OR2W3: variants seen among roughly 807,000 people sequenced by gnomAD.
OR2W3 encodes the protein olfactory receptor family 2 subfamily W member 3.
For synonymous variants in OR2W3, 196 were observed against 168.2 expected, an observed-to-expected ratio of 1.17 and a Z score of -1.28; for missense variants, 448 against 397.0, an observed-to-expected ratio of 1.13 and a Z score of -1.09.
chr1:247,896,181 G>C lies in OR2W3; in HGVS notation c.595G>C (p.Val199Leu). The C allele has an allele frequency of 6.2e-7, 1 of 1,614,138 alleles. No homozygotes were observed. The highest frequency in any genetic ancestry group is 8.5e-7 in the Non-Finnish European group (1 of 1,179,982). Residue 199 changes from valine to leucine, a missense_variant, in exon 1 of 1, where the codon GTC (valine) becomes CTC (leucine). Coordinates refer to ENST00000360358, the MANE Select transcript of OR2W3 (RefSeq NM_001001957.2). ...CVSTVAIEGTVFVLAVGVVLS... is the reference protein window; with the variant it reads ...CVSTVAIEGTLFVLAVGVVLS... ...CAGCACTGTGGCCATCGAAGGCACC[G>C]TCTTTGTCCTGGCGGTGGGTGTTGT...
At position 247,895,901 on chromosome 1, in the gene OR2W3, G is replaced by A; in HGVS notation, c.315G>A (p.Leu105=). Residue 105 remains leucine (L), a synonymous_variant, in exon 1 of 1, where the codon CTG becomes CTA. Coordinates refer to ENST00000360358, the MANE Select transcript of OR2W3 (RefSeq NM_001001957.2). ...MGCAIQLFLF[L]GLGGVECLLL... is the part of the protein sequence containing the mutation. ...GTGCCATCCAGCTCTTCCTGTTCCTGGGTCTGGGTGGTGTGGAGTGCCTGC... is the reference window on the plus strand; with the variant it reads ...GTGCCATCCAGCTCTTCCTGTTCCTAGGTCTGGGTGGTGTGGAGTGCCTGC... 1 of 1,614,140 alleles carries A rather than the reference G, an allele frequency of 6.2e-7. No individual in the cohort carries two copies. The highest frequency in any genetic ancestry group is 8.5e-7 in the Non-Finnish European group (1 of 1,179,998).
chr1:247,896,137 T>G lies in OR2W3; in HGVS notation c.551T>G (p.Leu184Arg). Residue 184 changes from leucine to arginine, a missense_variant, in exon 1 of 1, where the codon CTG (leucine) becomes CGG (arginine). Physicochemically the swap from Leu to Arg is moderately radical, Grantham distance 102. Transcript: ENST00000360358. ...CACTTCCTGCGTGAGATGCCCGCCC[T>G]GATCCGGATGGCCTGCGTCAGCACT... ...VDHFLREMPA[L>R]IRMACVSTVA... 6.2e-7 allele frequency: 1 copy of G among 1,614,196 alleles called. No individual in the cohort carries two copies. The highest frequency in any genetic ancestry group is 8.5e-7 in the Non-Finnish European group (1 of 1,180,020).
In OR2W3 at chr1:247,895,644, C is replaced by T. The variant is rs200867914; in HGVS notation, c.58C>T (p.Arg20Ter). ...TTTCATCCTACTGGGATTCTCTGACCGACCCCATCTGGAGAGGATCCTCTT... is the reference window on the plus strand; with the variant it reads ...TTTCATCCTACTGGGATTCTCTGACTGACCCCATCTGGAGAGGATCCTCTT... ...THFILLGFSD[R>*]PHLERILFVV... Residue 20 changes from arginine (R) to a stop codon, truncating the protein, a stop_gained, in exon 1 of 1, where the codon CGA becomes TGA. Coordinates refer to ENST00000360358, the MANE Select transcript of OR2W3 (RefSeq NM_001001957.2). LOFTEE classifies it low-confidence loss of function (END_TRUNC). 58 of 1,613,882 alleles carry T rather than the reference C, an allele frequency of 3.6e-5. No homozygotes were observed. The highest frequency in any genetic ancestry group is 3.6e-4 in the East Asian group (16 of 44,868).
In OR2W3 at chr1:247,895,880, C is replaced by T; in HGVS notation, c.294C>T (p.Ala98=). Residue 98 remains alanine, a synonymous_variant, in exon 1 of 1, where the codon GCC becomes GCT. Transcript: ENST00000360358. ...AGACCATCAGCTACATGGGCTGTGC[C>T]ATCCAGCTCTTCCTGTTCCTGGGTC... ...CDKTISYMGC[A]IQLFLFLGLG... 1.2e-6 allele frequency: 2 copies of T among 1,614,182 alleles called. No homozygotes were observed. Among genetic ancestry groups the T allele is most frequent in the Non-Finnish European group, 1.7e-6 (2 of 1,180,004 alleles).
In OR2W3 at chr1:247,896,372, A is replaced by G; in HGVS notation, c.786A>G (p.Pro262=). The G allele has an allele frequency of 6.2e-7, 1 of 1,614,054 alleles. No homozygotes were observed. The highest frequency in any genetic ancestry group is 1.3e-5 in the African/African-American group (1 of 75,034). ...ACATCATCTACATGTACATGCAGCC[A>G]GGAGCCAGTTCTTCCCAGGACCAGG... ...YGNIIYMYMQ[P]GASSSQDQGM... Residue 262 remains proline, a synonymous_variant, in exon 1 of 1, where the codon CCA becomes CCG. Transcript: ENST00000360358.
In OR2W3 at chr1:247,895,860, A is replaced by T; in HGVS notation, c.274A>T (p.Ile92Phe). The T allele has an allele frequency of 6.2e-7, 1 of 1,613,962 alleles. No individual in the cohort carries two copies. Among genetic ancestry groups the T allele is most frequent in the South Asian group, 1.1e-5 (1 of 91,072 alleles). ...LYNLNGCDKT[I>F]SYMGCAIQLF... ...CAACCTTAATGGATGTGACAAGACC[A>T]TCAGCTACATGGGCTGTGCCATCCA... Residue 92 changes from isoleucine (I) to phenylalanine (F), a missense_variant, in exon 1 of 1, where the codon ATC becomes TTC. By Grantham distance (21) the Ile-to-Phe change is conservative. Coordinates refer to ENST00000360358, the MANE Select transcript of OR2W3 (RefSeq NM_001001957.2).
In OR2W3 at chr1:247,896,086, C is replaced by T. The variant is rs868292918; in HGVS notation, c.500C>T (p.Pro167Leu). The change falls in exon 1 of 1, where the codon CCC becomes CTC. Residue 167 changes from proline (P) to leucine (L), a missense_variant. Pro to Leu is a moderately conservative substitution (Grantham distance 98, BLOSUM62 -3). Coordinates refer to ENST00000360358, the MANE Select transcript of OR2W3 (RefSeq NM_001001957.2). ...ATGTCTCCTGTGACCCTGCGCTTAC[C>T]CCGCTGTGGGCACCACGAGGTGGAC... ...LAMSPVTLRL[P>L]RCGHHEVDHF... 6.2e-7 allele frequency: 1 copy of T among 1,614,038 alleles called. No individual in the cohort carries two copies. Among genetic ancestry groups the T allele is most frequent in the Admixed American group, 1.7e-5 (1 of 60,002 alleles).
chr1:247,896,215 C>T lies in OR2W3; in HGVS notation c.629C>T (p.Pro210Leu), dbSNP rs774418035. 2 of 1,614,164 alleles carry T rather than the reference C, an allele frequency of 1.2e-6. No homozygotes were observed. Among genetic ancestry groups the T allele is most frequent in the Non-Finnish European group, 8.5e-7 (1 of 1,180,028 alleles). Residue 210 changes from proline to leucine, a missense_variant, in exon 1 of 1, where the codon CCC becomes CTC. Pro to Leu is a moderately conservative substitution (Grantham distance 98). Transcript: ENST00000360358. ...CTGGCGGTGGGTGTTGTGCTGTCCC[C>T]CTTGGTGTTTATCCTGCTCTCTTAC... ...FVLAVGVVLS[P>L]LVFILLSYSY...
rs761032797 is a variant in OR2W3 at position 247,895,824 on chromosome 1, C to T, written c.238C>T (p.Gln80Ter). 28 of 1,613,922 alleles carry T rather than the reference C, an allele frequency of 1.7e-5. No individual in the cohort carries two copies. In the East Asian group the frequency reaches 5.6e-4, roughly 32 times the overall value. ...DLSFTTSSIPQLLYNLNGCDK... is the reference protein window; with the variant it reads ...DLSFTTSSIP ...CAGTTTCACCACCAGCTCCATCCCC[C>T]AGCTGCTCTACAACCTTAATGGATG... The change falls in exon 1 of 1, where the codon CAG (glutamine) becomes TAG (stop). Residue 80 changes from glutamine to a stop codon, truncating the protein, a stop_gained. Transcript: ENST00000360358. LOFTEE classifies it low-confidence loss of function (END_TRUNC).
At position 247,895,688 on chromosome 1, in the gene OR2W3, G is replaced by T; in HGVS notation, c.102G>T (p.Ala34=). 1.2e-6 allele frequency: 2 copies of T among 1,613,704 alleles called. No individual in the cohort carries two copies. The highest frequency in any genetic ancestry group is 1.7e-6 in the Non-Finnish European group (2 of 1,179,734). The change falls in exon 1 of 1, where the codon GCG becomes GCT. Residue 34 remains alanine, a synonymous_variant. Transcript: ENST00000360358. ...TCCTCTTTGTGGTCATCCTGATCGC[G>T]TACCTCCTGACCCTCGTAGGCAACA... ...ERILFVVILI[A]YLLTLVGNTT...
chr1:247,896,033 G>C lies in OR2W3; in HGVS notation c.447G>C (p.Trp149Cys). The change falls in exon 1 of 1, where the codon TGG becomes TGC. Residue 149 changes from tryptophan to cysteine, a missense_variant. Trp to Cys is a radical substitution (Grantham distance 215, BLOSUM62 -2). Coordinates refer to ENST00000360358, the MANE Select transcript of OR2W3 (RefSeq NM_001001957.2). ...RLCRGLVSVT[W>C]GCGVANSLAM... The stretch of plus-strand genomic sequence containing the variant: ...GCCGGGGCTTGGTGTCAGTGACCTG[G>C]GGCTGTGGGGTGGCCAACTCCTTGG... 1.9e-6 allele frequency: 3 copies of C among 1,613,890 alleles called. No individual in the cohort carries two copies. Among genetic ancestry groups the C allele is most frequent in the Non-Finnish European group, 2.5e-6 (3 of 1,179,862 alleles).
In OR2W3 at chr1:247,896,313, T is replaced by C. The variant is rs1659608864; in HGVS notation, c.727T>C (p.Ser243Pro). Residue 243 changes from serine (S) to proline (P), a missense_variant, in exon 1 of 1, where the codon TCC becomes CCC. By Grantham distance (74) the Ser-to-Pro change is moderately conservative. Coordinates refer to ENST00000360358, the MANE Select transcript of OR2W3 (RefSeq NM_001001957.2). Reference protein sequence around the residue: ...GRQKAFGTCGSHLTVVSLFYG... With the variant: ...GRQKAFGTCGPHLTVVSLFYG... Reference sequence around the variant, plus strand: ...GCAGAAGGCCTTCGGCACCTGCGGCTCCCATCTCACTGTGGTCTCCCTTTT... The same window carrying C: ...GCAGAAGGCCTTCGGCACCTGCGGCCCCCATCTCACTGTGGTCTCCCTTTT... 1 of 1,614,170 alleles carries C rather than the reference T, an allele frequency of 6.2e-7. No homozygotes were observed. Among genetic ancestry groups the C allele is most frequent in the Non-Finnish European group, 8.5e-7 (1 of 1,180,022 alleles).
rs201464457 is a variant in OR2W3, at chr1:247,895,775, C to A, written c.189C>A (p.Leu63=). ...TCCACACCCCCATGTACTTCTTCCT[C>A]GCCCACCTTTCCTTCCTGGACCTCA... ...PHLHTPMYFF[L]AHLSFLDLSF... Residue 63 remains leucine (L), a synonymous_variant, in exon 1 of 1, where the codon CTC becomes CTA. Coordinates refer to ENST00000360358, the MANE Select transcript of OR2W3 (RefSeq NM_001001957.2). 4.3e-6 allele frequency: 7 copies of A among 1,614,076 alleles called. No individual in the cohort carries two copies. The highest frequency in any genetic ancestry group is 5.9e-6 in the Non-Finnish European group (7 of 1,179,992).
In OR2W3 at chr1:247,896,271, C is replaced by T. The variant is rs765796422; in HGVS notation, c.685C>T (p.Arg229Trp). ...CATTGTGAGGGCTGTGTTACAAATT[C>T]GGTCAGCATCAGGAAGGCAGAAGGC... ...SYIVRAVLQI[R>W]SASGRQKAFG... The change falls in exon 1 of 1, where the codon CGG becomes TGG. Residue 229 changes from arginine (R) to tryptophan (W), a missense_variant. Arg to Trp is a moderately radical substitution (Grantham distance 101, BLOSUM62 -3). Coordinates refer to ENST00000360358, the MANE Select transcript of OR2W3 (RefSeq NM_001001957.2). The T allele has an allele frequency of 1.2e-5, 20 of 1,614,038 alleles. No individual in the cohort carries two copies. Among genetic ancestry groups the T allele is most frequent in the African/African-American group, 2.7e-5 (2 of 74,912 alleles).
chr1:247,896,080 G>A lies in OR2W3; in HGVS notation c.494G>A (p.Arg165His), dbSNP rs370525975. Residue 165 changes from arginine to histidine, a missense_variant, in exon 1 of 1, where the codon CGC (arginine) becomes CAC (histidine). Transcript: ENST00000360358. ...TTGGCCATGTCTCCTGTGACCCTGCGCTTACCCCGCTGTGGGCACCACGAG... is the reference window on the plus strand; with the variant it reads ...TTGGCCATGTCTCCTGTGACCCTGCACTTACCCCGCTGTGGGCACCACGAG... ...NSLAMSPVTL[R>H]LPRCGHHEVD... 2.0e-5 allele frequency: 33 copies of A among 1,614,024 alleles called. No homozygotes were observed. The highest frequency in any genetic ancestry group is 1.6e-4 in the East Asian group (7 of 44,882).
In OR2W3 at chr1:247,895,756, C is replaced by A; in HGVS notation, c.170C>A (p.Thr57Asn). The change falls in exon 1 of 1, where the codon ACC (threonine) becomes AAC (asparagine). Residue 57 changes from threonine (T) to asparagine (N), a missense_variant. Transcript: ENST00000360358. Reference sequence around the variant, plus strand: ...TCCCGGCTGGACCCCCACCTCCACACCCCCATGTACTTCTTCCTCGCCCAC... The same window carrying A: ...TCCCGGCTGGACCCCCACCTCCACAACCCCATGTACTTCTTCCTCGCCCAC... The part of the protein sequence containing the change: ...LVSRLDPHLH[T>N]PMYFFLAHLS... 3.7e-6 allele frequency: 6 copies of A among 1,614,000 alleles called. No individual in the cohort carries two copies. In the Middle Eastern group the frequency reaches 6.6e-4, roughly 177 times the overall value.
rs1180053252 is a variant in OR2W3 at position 247,896,342 on chromosome 1, T to C, written c.756T>C (p.Tyr252=). Residue 252 remains tyrosine (Y), a synonymous_variant, in exon 1 of 1, where the codon TAT becomes TAC. Coordinates refer to ENST00000360358, the MANE Select transcript of OR2W3 (RefSeq NM_001001957.2). ...ATCTCACTGTGGTCTCCCTTTTCTATGGAAACATCATCTACATGTACATGC... is the reference window on the plus strand; with the variant it reads ...ATCTCACTGTGGTCTCCCTTTTCTACGGAAACATCATCTACATGTACATGC... ...GSHLTVVSLF[Y]GNIIYMYMQP... The C allele has an allele frequency of 2.5e-6, 4 of 1,614,062 alleles. No homozygotes were observed. Among genetic ancestry groups the C allele is most frequent in the Non-Finnish European group, 1.7e-6 (2 of 1,180,032 alleles).
In OR2W3 at chr1:247,895,634, A is replaced by G. The variant is rs1292049645; in HGVS notation, c.48A>G (p.Gly16=). 6.2e-7 allele frequency: 1 copy of G among 1,613,902 alleles called. No individual in the cohort carries two copies. Among genetic ancestry groups the G allele is most frequent in the South Asian group, 1.1e-5 (1 of 91,070 alleles). Residue 16 remains glycine (G), a synonymous_variant, in exon 1 of 1, where the codon GGA becomes GGG. Transcript: ENST00000360358. ...GSTQTHFILL[G]FSDRPHLERI... Reference sequence around the variant, plus strand: ...CCCAAACCCATTTCATCCTACTGGGATTCTCTGACCGACCCCATCTGGAGA... The same window carrying G: ...CCCAAACCCATTTCATCCTACTGGGGTTCTCTGACCGACCCCATCTGGAGA...
chr1:247,895,766 C>T lies in OR2W3; in HGVS notation c.180C>T (p.Tyr60=). 1.9e-6 allele frequency: 3 copies of T among 1,614,106 alleles called. No individual in the cohort carries two copies. Among genetic ancestry groups the T allele is most frequent in the Non-Finnish European group, 2.5e-6 (3 of 1,179,994 alleles). ...RLDPHLHTPM[Y]FFLAHLSFLD... is the part of the protein sequence containing the mutation. Reference sequence around the variant, plus strand: ...ACCCCCACCTCCACACCCCCATGTACTTCTTCCTCGCCCACCTTTCCTTCC... The same window carrying T: ...ACCCCCACCTCCACACCCCCATGTATTTCTTCCTCGCCCACCTTTCCTTCC... Residue 60 remains tyrosine, a synonymous_variant, in exon 1 of 1, where the codon TAC becomes TAT. Coordinates refer to ENST00000360358, the MANE Select transcript of OR2W3 (RefSeq NM_001001957.2).
Sources: gnomAD v4.1 joint callset for allele counts on GRCh38, gnomAD v4.1.1 for gene constraint, MANE v1.5 for transcripts, NCBI Gene and HGNC (gene_info 2026-07-23, HGNC 2026-07-21) for gene names.